DAB1: variants seen among roughly 807,000 people sequenced by gnomAD.
DAB1 encodes disabled homolog 1.
Under a neutral mutation model 64.6 loss-of-function variants are expected in DAB1, and 15 were observed. The ratio of observed to expected loss-of-function variants is 0.23; its 90% CI spans 0.16 to 0.36. The LOEUF (loss-of-function observed/expected upper bound fraction) is 0.36. Among genes scored for constraint, DAB1 ranks in the 10% least tolerant of loss-of-function variants. The pLI is 1.00. For missense variants in DAB1, 596 were observed against 706.7 expected (o/e 0.84, Z 1.78); for synonymous variants, 235 against 251.9 (o/e 0.93, Z 0.64).
chr1:57,563,409 G>T lies in DAB1; in HGVS notation n.625+86183C>A, dbSNP rs550815341. ...TCTGCATTTCCAACTGAGGTACCAG[G>T]TTTATCTCACTGGGGCTTGTCAGAC... On this transcript the variant is annotated intron_variant and non_coding_transcript_variant, in intron 7 of 20. Transcript: ENST00000485760. Among the ~76,000 whole-genome samples the T allele has an allele frequency of 5.9e-5, 9 of 152,298 alleles. No homozygotes were observed. The South Asian group carries it at 1.9e-3, about 32-fold the overall frequency.
intron 7 of DAB1, among the ~76,000 whole-genome samples, chr1:57,644,550 T>C (rs868021278): frequency 7.0e-6 from 1 of 143,610 alleles, no homozygotes; most frequent in South Asian, 2.3e-4. Context: ...CATATGTGTG[T>C]GTATGCATAT....
intron 5 of DAB1, among the ~76,000 whole-genome samples, chr1:58,076,200 C>G (rs1649630064): frequency 6.6e-6 from 1 of 152,156 alleles, no homozygotes; most frequent in African/African-American, 2.4e-5. Context: ...TCTATTTACT[C>G]TCTTAATCTT....
intron 3 of DAB1, among the ~76,000 whole-genome samples, chr1:58,466,242 G>T (rs1047177593): frequency 3.3e-5 from 5 of 152,132 alleles, no homozygotes; most frequent in African/African-American, 1.2e-4. Context: ...CCTTGCCAAA[G>T]TTTCCGTAGG....
intron 6 of DAB1, among the ~76,000 whole-genome samples, chr1:57,785,303 ACATCCATTCTGCAGCC>A (rs1239447372): frequency 1.3e-5 from 2 of 152,168 alleles, no homozygotes; most frequent in Non-Finnish European, 2.9e-5. Context: ...TATTAATATA[ACATCCATTCTGCAGCC>A]CATCAATCAA....
chr1:57,535,281 G>A (rs1360630210), intron 7 of DAB1, among the ~76,000 whole-genome samples: 2 of 152,074 alleles, frequency 1.3e-5, no homozygotes, highest in African/African-American at 2.4e-5. Context: ...TTTCACAGCT[G>A]TATTCCCAGT....
intron 4 of DAB1, among the ~76,000 whole-genome samples, chr1:58,338,020 GA>G (rs958129667): frequency 1.2e-3 from 174 of 147,102 alleles, no homozygotes; most frequent in African/African-American, 3.6e-3. Context: ...GCTTAGCCAA[GA>G]AAAAAAAAAT....
At chr1:57,308,632 G>A (rs1205737872) in intron 1 of DAB1, among the ~76,000 whole-genome samples, 1 of 152,110 alleles carries the variant, frequency 6.6e-6, no homozygotes, top group African/African-American at 2.4e-5. Context: ...TCATTCTGGT[G>A]GCATATTGCC....
At chr1:58,445,322 A>G (rs1325269451) in intron 3 of DAB1, among the ~76,000 whole-genome samples, 7 of 152,256 alleles carry the variant, frequency 4.6e-5, no homozygotes. Context: ...TGGATGAAAT[A>G]AAAATCAATA....
chr1:58,163,792 C>T (rs978119141), intron 4 of DAB1, among the ~76,000 whole-genome samples: 17 of 152,174 alleles, frequency 1.1e-4, no homozygotes, highest in African/African-American at 2.7e-4. Flanking sequence ...CTGACAGAGA[C>T]GTATTCCTGC....
intron 5 of DAB1, among the ~76,000 whole-genome samples, chr1:57,950,131 A>G (rs1033131936): frequency 5.9e-5 from 9 of 152,174 alleles, no homozygotes; most frequent in Non-Finnish European, 1.0e-4. Context: ...ATCCCCATTC[A>G]GTGCTTAAGA....
intron 3 of DAB1, among the ~76,000 whole-genome samples, chr1:58,461,636 T>C (rs1645243261): frequency 6.6e-6 from 1 of 152,134 alleles, no homozygotes; most frequent in Non-Finnish European, 1.5e-5. Flanking sequence ...GAAAGGTACA[T>C]ACACATCAAA....
intron 3 of DAB1, among the ~76,000 whole-genome samples, chr1:58,402,271 C>G (rs1644576949): frequency 6.6e-6 from 1 of 152,224 alleles, no homozygotes; most frequent in Non-Finnish European, 1.5e-5. Flanking sequence ...GCCAAGGTCT[C>G]TTTCCTTCGG....
At chr1:57,263,501 T>G (rs1670356810) in intron 2 of DAB1, among the ~76,000 whole-genome samples, 3 of 152,176 alleles carry the variant, frequency 2.0e-5, no homozygotes, top group African/African-American at 7.2e-5. Flanking sequence ...TACCTGGACC[T>G]AGTAAGCACT....
chr1:57,997,623 T>C lies in DAB1; in HGVS notation n.388-113461A>G, dbSNP rs1207416051. On this transcript the variant is annotated intron_variant and non_coding_transcript_variant, in intron 5 of 20. Transcript: ENST00000485760. ...ATTTGGGGAGGATACCCCTAGTGATTAGCATAGTGCAACTCCCCTTAGGGA... is the reference window on the plus strand; with the variant it reads ...ATTTGGGGAGGATACCCCTAGTGATCAGCATAGTGCAACTCCCCTTAGGGA... Among the ~76,000 whole-genome samples, 7 of 152,092 alleles carry C rather than the reference T, an allele frequency of 4.6e-5. No homozygotes were observed. In the East Asian group the frequency reaches 1.3e-3, roughly 29 times the overall value.
At chr1:57,026,862 A>G (rs1364549005) in intron 9 of DAB1, among the ~76,000 whole-genome samples, 1 of 152,172 alleles carries the variant, frequency 6.6e-6, no homozygotes, top group Non-Finnish European at 1.5e-5. Context: ...TTAGAAATTA[A>G]TCTGCATAAA....
intron 3 of DAB1, among the ~76,000 whole-genome samples, chr1:58,412,183 T>A (rs1644678444): frequency 6.6e-6 from 1 of 152,160 alleles, no homozygotes; most frequent in African/African-American, 2.4e-5. Flanking sequence ...ACTGCCAGAC[T>A]GTCTTTCCAG....
At chr1:57,300,921 GT>G (rs965024778) in intron 1 of DAB1, among the ~76,000 whole-genome samples, 1 of 152,006 alleles carries the variant, frequency 6.6e-6, no homozygotes, top group Non-Finnish European at 1.5e-5. Flanking sequence ...GGCCACCACA[GT>G]GGGATAACAG....
chr1:58,325,980 C>G (rs954159551), intron 4 of DAB1, among the ~76,000 whole-genome samples: 1 of 152,120 alleles, frequency 6.6e-6, no homozygotes, highest in East Asian at 1.9e-4. Context: ...CTCTGCCACT[C>G]GGCCACCCCA....
chr1:57,987,177 C>A (rs1193098390), intron 5 of DAB1, among the ~76,000 whole-genome samples: 8 of 152,074 alleles, frequency 5.3e-5, no homozygotes, highest in Admixed American at 2.6e-4. Flanking sequence ...CCATAGAGAA[C>A]AAATCAGCCC....
Sources: gnomAD v4.1 joint callset for allele counts (sites outside exome capture counted in the v4.1 genomes callset) on GRCh38, gnomAD v4.1.1 for gene constraint, MANE v1.5 for transcripts, NCBI Gene and HGNC (gene_info 2026-07-23, HGNC 2026-07-21) for gene names.